BMX: variants seen among roughly 807,000 people sequenced by gnomAD.
The protein encoded by BMX is BMX non-receptor tyrosine kinase, also known as cytoplasmic tyrosine-protein kinase BMX.
A neutral mutation model predicts 59.2 loss-of-function variants in BMX; 31 were observed. The ratio of observed to expected loss-of-function variants is 0.52; its 90% CI spans 0.39 to 0.71. The LOEUF (loss-of-function observed/expected upper bound fraction) is 0.71. BMX is among the 30% of genes least tolerant of loss of function. The probability of loss-of-function intolerance (pLI) is 0.00; values close to 1 mark genes in which losing one functional copy is unlikely to be tolerated. For missense variants in BMX, 474 were observed against 491.7 expected, an observed-to-expected ratio of 0.96 and a Z score of 0.34; for synonymous variants, 185 against 181.0, an observed-to-expected ratio of 1.02 and a Z score of -0.18.
intron 14 of BMX, among the ~76,000 whole-genome samples, chrX:15,537,669 A>G (rs1925435520): frequency 9.0e-6 from 1 of 111,144 alleles, no homozygotes; most frequent in Admixed American, 9.5e-5. Flanking sequence ...GTACAGACAC[A>G]GCATTCAGTA....
chrX:15,508,623 A>G, intron 2 of BMX, 132 bp downstream of exon 2: 3 of 431,735 alleles, frequency 6.9e-6, no homozygotes, highest in Non-Finnish European at 1.1e-5. Flanking sequence ...CTATCCACTT[A>G]TCACATGACC....
intron 11 of BMX, among the ~76,000 whole-genome samples, chrX:15,533,315 A>G (rs1283286102): frequency 2.7e-5 from 3 of 111,650 alleles, no homozygotes; most frequent in African/African-American, 9.8e-5. Context: ...AGTGTTCAAT[A>G]GTTATTTTTT....
At chrX:15,510,672 G>T (rs1008787553) in intron 3 of BMX, among the ~76,000 whole-genome samples, 3 of 111,752 alleles carry the variant, frequency 2.7e-5, no homozygotes, top group Non-Finnish European at 5.6e-5. Flanking sequence ...ACTTATACTT[G>T]TGCAACTGTA....
chrX:15,508,404 AAAG>A lies in BMX; in HGVS notation c.57_59del (p.Lys20del), dbSNP rs761125965. 3.4e-6 allele frequency: 4 copies of A among 1,179,037 alleles called. No individual in the cohort carries two copies. The highest frequency in any genetic ancestry group is 4.6e-6 in the Non-Finnish European group (4 of 872,444). The stretch of plus-strand genomic sequence containing the variant: ...AACTTCTTCTCAAAAGATCACAGCA[AAAG>A]AAGAAAATGTCACCAAATAATTACA... On this transcript the variant is annotated inframe_deletion, in exon 2 of 19. Coordinates refer to ENST00000348343, the MANE Select transcript of BMX (RefSeq NM_203281.3).
At chrX:15,526,641 A>G (rs190094037) in intron 9 of BMX, among the ~76,000 whole-genome samples, 1,845 of 102,719 alleles carry the variant, frequency 0.018, 49 homozygotes, top group African/African-American at 0.064. Context: ...GCTGGAGTGC[A>G]GTGGCATGAT....
intron 13 of BMX, 44 bp from the exon 14 acceptor site, chrX:15,537,090 G>T: frequency 8.4e-7 from 1 of 1,195,506 alleles, no homozygotes; most frequent in Non-Finnish European, 1.1e-6. Flanking sequence ...TAGCCCCAAA[G>T]CTTTCTATGC....
At position 15,540,583 on chromosome X, in the gene BMX, T is replaced by A. The variant is rs368839160; in HGVS notation, c.1395-1399T>A. Among the ~76,000 whole-genome samples the A allele has an allele frequency of 2.8e-3, 300 of 108,929 alleles. 2 individuals are homozygous for A. The highest frequency in any genetic ancestry group is 9.3e-3 in the African/African-American group (277 of 29,884). The allele number at this position is 108,929 out of a possible 115,157, so 94.6% of individuals were successfully genotyped here. ...ACTCAAAGTATAATAAAAAAAAAAA[T>A]AAAATTTAAAAATCAACTTCTGCGT... On this transcript the variant is annotated intron_variant, in intron 14 of 18. Transcript: ENST00000348343.
At position 15,517,496 on chromosome X, in the gene BMX, G is replaced by A. The variant is rs766548589; in HGVS notation, c.446-433G>A. Among the ~76,000 whole-genome samples the A allele has an allele frequency of 2.7e-5, 3 of 112,090 alleles. No individual in the cohort carries two copies. In the South Asian group the frequency reaches 1.1e-3, roughly 42 times the overall value. On this transcript the variant is annotated intron_variant, in intron 5 of 18. Coordinates refer to ENST00000348343, the MANE Select transcript of BMX (RefSeq NM_203281.3). ...GGATTGCCTTCCTAGGCTCTGTCTG[G>A]ATGACACTCACCATGTGTTCTGGGT...
At chrX:15,503,037 C>A (rs929403119) in intron 1 of BMX, among the ~76,000 whole-genome samples, 1 of 111,543 alleles carries the variant, frequency 9.0e-6, no homozygotes. Context: ...ATAACTAAAC[C>A]AAGTCAAAGG....
chrX:15,541,177 CTTAAA>C lies in BMX; in HGVS notation c.1395-800_1395-796del, dbSNP rs1194011547. On this transcript the variant is annotated intron_variant, in intron 14 of 18. Coordinates refer to ENST00000348343, the MANE Select transcript of BMX (RefSeq NM_203281.3). ...AGTACAAAATTTAAGATTGATATTA[CTTAAA>C]TTAATAAGAAACACTAAAGGACTCT... is the stretch of plus-strand genomic sequence containing the variant. Among the ~76,000 whole-genome samples the C allele has an allele frequency of 2.7e-5, 3 of 111,325 alleles. No homozygotes were observed. In the Admixed American group the frequency reaches 2.9e-4, roughly 11 times the overall value.
At chrX:15,555,700 A>T (rs1926401430) in intron 18 of BMX, among the ~76,000 whole-genome samples, 1 of 111,616 alleles carries the variant, frequency 9.0e-6, no homozygotes, top group Non-Finnish European at 1.9e-5. Context: ...TTGATTTTGT[A>T]TGTTAATTTT....
At chrX:15,525,767 G>C (rs1211457175) in intron 8 of BMX, among the ~76,000 whole-genome samples, 4 of 112,007 alleles carry the variant, frequency 3.6e-5, no homozygotes, top group Non-Finnish European at 7.5e-5. Context: ...TTTGGAAAAA[G>C]TCAAAGAAAT....
chrX:15,542,930 G>GA (rs770271856), intron 15 of BMX, 141 bp from the exon 16 acceptor site: 48 of 512,124 alleles, frequency 9.4e-5, no homozygotes, highest in East Asian at 3.8e-4. Flanking sequence ...AATTGCAAAG[G>GA]AAAAAAAAGA....
At chrX:15,548,652 A>G (rs1231055240) in intron 17 of BMX, among the ~76,000 whole-genome samples, 1 of 111,637 alleles carries the variant, frequency 9.0e-6, no homozygotes, top group Non-Finnish European at 1.9e-5. Flanking sequence ...TTCTTAAACA[A>G]TATATCCCAG....
intron 1 of BMX, among the ~76,000 whole-genome samples, chrX:15,504,612 C>T (rs1923677513): frequency 8.9e-6 from 1 of 112,358 alleles, no homozygotes; most frequent in Admixed American, 9.4e-5. Flanking sequence ...ACTTCTTACT[C>T]TCATGACATC....
intron 14 of BMX, among the ~76,000 whole-genome samples, chrX:15,541,409 C>G (rs1925672214): frequency 9.1e-6 from 1 of 110,245 alleles, no homozygotes; most frequent in Non-Finnish European, 1.9e-5. Flanking sequence ...CCATCATGAC[C>G]TACCAGAAGT....
At chrX:15,525,866 A>T (rs763458363) in intron 8 of BMX, among the ~76,000 whole-genome samples, 176 bp from the exon 9 acceptor site, 1 of 112,118 alleles carries the variant, frequency 8.9e-6, no homozygotes, top group South Asian at 3.7e-4. Flanking sequence ...CTTTTGAGTG[A>T]CTCTCTCTTT....
Position 15,517,988 on chromosome X carries a change from A to G in BMX, c.505A>G (p.Arg169Gly), listed in dbSNP as rs778907612. 12 of 1,201,960 alleles carry G rather than the reference A, an allele frequency of 1.0e-5. No homozygotes were observed. In the South Asian group the frequency reaches 2.1e-4, roughly 21 times the overall value. The stretch of plus-strand genomic sequence containing the variant: ...ACACAGAGTTCCCACCTTCCCAGAC[A>G]GAGTGGTAAGTCAACATTTTAAAAA... ...EKHRVPTFPD[R>G]VLKIPRAVPV... The change falls in exon 6 of 19, where the codon AGA becomes GGA. Residue 169 changes from arginine to glycine, a missense_variant. Physicochemically the swap from Arg to Gly is moderately radical, Grantham distance 125. Coordinates refer to ENST00000348343, the MANE Select transcript of BMX (RefSeq NM_203281.3).
At chrX:15,556,010 A>T in intron 18 of BMX, 63 bp from the exon 19 acceptor site, 5 of 1,034,991 alleles carry the variant, frequency 4.8e-6, no homozygotes, top group Non-Finnish European at 6.6e-6. Context: ...TATTTTATAT[A>T]TTTTATCATT....
Sources: gnomAD v4.1 joint callset for allele counts (sites outside exome capture counted in the v4.1 genomes callset) on GRCh38, gnomAD v4.1.1 for gene constraint, MANE v1.5 for transcripts, NCBI Gene and HGNC (gene_info 2026-07-23, HGNC 2026-07-21) for gene names.